The following DNAH9 variants were observed in gnomAD, a reference collection of about 807,000 sequenced individuals.
DNAH9 encodes dynein axonemal heavy chain 9, also known as DNAH9 variant protein.
A neutral mutation model predicts 471.6 loss-of-function variants in DNAH9; 345 were observed. That is an observed-to-expected ratio of 0.73 (90% CI 0.67 to 0.80). The LOEUF (loss-of-function observed/expected upper bound fraction) is 0.80. Ranked by LOEUF, DNAH9 falls within the 30% of genes least tolerant of loss-of-function variation. DNAH9 has a pLI of 0.00. For missense variants in DNAH9, 5,407 were observed against 5,609.2 expected, an observed-to-expected ratio of 0.96 and a Z score of 1.15; for synonymous variants, 2,093 against 2,123.6, an observed-to-expected ratio of 0.99 and a Z score of 0.40.
rs759701988 is a variant in DNAH9, at chr17:11,652,990, C to T, written c.2583C>T (p.His861=). Residue 861 remains histidine (H), a synonymous_variant, in exon 14 of 69, where the codon CAC becomes CAT. Transcript: ENST00000262442. ...TCAAGGAATCTGGCCTTAAGATCCA[C>T]GCCCTTGTTCAGGTAATAACCCAGC... ...NLIKESGLKI[H]ALVQENLGLF... is the part of the protein sequence containing the mutation. The T allele has an allele frequency of 1.1e-5, 17 of 1,613,672 alleles. No individual in the cohort carries two copies. The highest frequency in any genetic ancestry group is 2.7e-5 in the African/African-American group (2 of 74,920).
intron 10 of DNAH9, among the ~76,000 whole-genome samples, chr17:11,642,147 G>A (rs2073286403): frequency 6.6e-6 from 1 of 152,152 alleles, no homozygotes; most frequent in South Asian, 2.1e-4. Flanking sequence ...GTTTGGAGGT[G>A]TACCAGGGCC....
chr17:11,881,179 C>T (rs750931612), intron 54 of DNAH9, 30 bp from the exon 55 acceptor site: 3 of 1,611,506 alleles, frequency 1.9e-6, no homozygotes, highest in Admixed American at 1.7e-5. Context: ...AGGAAGGCAC[C>T]TTACCTTCAC....
intron 49 of DNAH9, among the ~76,000 whole-genome samples, chr17:11,851,199 C>T (rs1035537253): frequency 6.6e-6 from 1 of 152,132 alleles, no homozygotes; most frequent in Non-Finnish European, 1.5e-5. Context: ...CAACCTCCAC[C>T]TCCCAAGTTC....
At chr17:11,948,106 C>G (rs1467074160) in intron 67 of DNAH9, among the ~76,000 whole-genome samples, 1 of 151,524 alleles carries the variant, frequency 6.6e-6, no homozygotes, top group Non-Finnish European at 1.5e-5. Flanking sequence ...TGGCATCAGG[C>G]TTTTTTTCTA....
At chr17:11,656,504 T>C (rs1597442834) in intron 14 of DNAH9, among the ~76,000 whole-genome samples, 1 of 152,212 alleles carries the variant, frequency 6.6e-6, no homozygotes, top group South Asian at 2.1e-4. Context: ...TATGATATCA[T>C]GCGTAACGTT....
chr17:11,620,387 C>T (rs533162327), intron 6 of DNAH9, among the ~76,000 whole-genome samples: 66 of 151,780 alleles, frequency 4.3e-4, no homozygotes, highest in African/African-American at 1.6e-3. Flanking sequence ...GTGGCACACG[C>T]CTGTAATCCC....
In DNAH9 at chr17:11,791,660, G is replaced by A. The variant is rs188973459; in HGVS notation, c.8062-1843G>A. 5.4e-4 allele frequency among the ~76,000 whole-genome samples: 82 copies of A among 152,122 alleles called. 1 individual carries two copies. In the East Asian group the frequency reaches 9.3e-3, roughly 17 times the overall value. ...CGGGAGGTGGAGGCTGCCGCGAGCC[G>A]AGATTGCACCACTGCACTCCAGTCT... is the stretch of plus-strand genomic sequence containing the variant. On this transcript the variant is annotated intron_variant, in intron 41 of 68. Transcript: ENST00000262442.
intron 1 of DNAH9, among the ~76,000 whole-genome samples, chr17:11,607,875 A>G (rs1334187502): frequency 6.6e-6 from 1 of 152,124 alleles, no homozygotes; most frequent in Non-Finnish European, 1.5e-5. Flanking sequence ...TAGCCGATAA[A>G]GAATTTTTTG....
In DNAH9 at chr17:11,763,340, C is replaced by T. The variant is rs1002142274; in HGVS notation, c.6996-100C>T. The stretch of plus-strand genomic sequence containing the variant: ...TGTAATCCCAAAGAACTTGACGGAC[C>T]ATGAGTCCACTGAAACTGAGTGGTT... On this transcript the variant is annotated intron_variant, in intron 35 of 68. Coordinates refer to ENST00000262442, the MANE Select transcript of DNAH9 (RefSeq NM_001372.4). 18 of 1,024,842 alleles carry T rather than the reference C, an allele frequency of 1.8e-5. No homozygotes were observed. The African/African-American group carries it at 2.6e-4, about 15-fold the overall frequency. 63.5% of individuals were successfully genotyped at this position (1,024,842 alleles called of 1,614,324 possible). A position where few individuals can be genotyped will look rare whatever the true frequency, so the allele number is the denominator to read the frequency against.
At chr17:11,610,652 T>C (rs955130504) in intron 3 of DNAH9, 98 bp downstream of exon 3, 30 of 1,163,270 alleles carry the variant, frequency 2.6e-5, no homozygotes, top group Non-Finnish European at 3.5e-5. Context: ...GAGCCTATTC[T>C]TCCCTATAGG....
chr17:11,875,146 T>C lies in DNAH9; in HGVS notation c.10440T>C (p.Tyr3480=). 1.9e-6 allele frequency: 3 copies of C among 1,614,096 alleles called. No individual in the cohort carries two copies. Among genetic ancestry groups the C allele is most frequent in the South Asian group, 2.2e-5 (2 of 91,068 alleles). The change falls in exon 53 of 69, where the codon TAT becomes TAC. Residue 3480 remains tyrosine, a synonymous_variant. Transcript: ENST00000262442. Reference sequence around the variant, plus strand: ...GCATCAAATGGATCAAGAATAAATATGGTGAAGATCTCCGGGTCACGCAGA... The same window carrying C: ...GCATCAAATGGATCAAGAATAAATACGGTGAAGATCTCCGGGTCACGCAGA... ...LQGIKWIKNK[Y]GEDLRVTQIG... is the part of the protein sequence containing the mutation.
At chr17:11,760,949 G>T (rs1443035384) in intron 35 of DNAH9, among the ~76,000 whole-genome samples, 1 of 152,236 alleles carries the variant, frequency 6.6e-6, no homozygotes, top group African/African-American at 2.4e-5. Context: ...CAGTCACAGT[G>T]TTGTAATGCC....
At position 11,947,088 on chromosome 17, in the gene DNAH9, A is replaced by C. The variant is rs28639703; in HGVS notation, c.12843+4603A>C. On this transcript the variant is annotated intron_variant, in intron 67 of 68. Transcript: ENST00000262442. ...TCAAAGCACACAAAAGTGGTAAAGG[A>C]AGGCATCATCTGGGGGCCACAAATA... Among the ~76,000 whole-genome samples the C allele has an allele frequency of 2.1e-3, 323 of 152,338 alleles. 3 individuals carry two copies. The highest frequency in any genetic ancestry group is 7.2e-3 in the African/African-American group (298 of 41,566).
chr17:11,904,647 A>C (rs1973526456), intron 60 of DNAH9, among the ~76,000 whole-genome samples: 1 of 149,716 alleles, frequency 6.7e-6, no homozygotes, highest in Admixed American at 6.7e-5. Flanking sequence ...AAAAAAAAAA[A>C]AAAAAAAAAA....
chr17:11,631,736 C>T (rs188119626), intron 7 of DNAH9, among the ~76,000 whole-genome samples: 103 of 151,838 alleles, frequency 6.8e-4, no homozygotes, highest in Middle Eastern at 6.9e-3. Context: ...GGGATTTTGC[C>T]CAGAGAAAAA....
chr17:11,943,062 T>G (rs1209243363), intron 67 of DNAH9, among the ~76,000 whole-genome samples: 1 of 151,694 alleles, frequency 6.6e-6, no homozygotes, highest in Non-Finnish European at 1.5e-5. Context: ...CGCCGGCTAA[T>G]TTTTTGTATT....
rs1159079370 is a variant in DNAH9 at position 11,800,627 on chromosome 17, T to TCTTA, written c.8420+2835_8420+2838dup. Among the ~76,000 whole-genome samples, 3 of 152,232 alleles carry TCTTA rather than the reference T, an allele frequency of 2.0e-5. No homozygotes were observed. The East Asian group carries it at 5.8e-4, about 29-fold the overall frequency. The stretch of plus-strand genomic sequence containing the variant: ...CTTCTGATTTCCTTCTCTGCCCACT[T>TCTTA]CTTAGCCCTTGAACAAAGCAGTGCT... On this transcript the variant is annotated intron_variant, in intron 43 of 68. Transcript: ENST00000262442.
chr17:11,745,117 A>G (rs761879239), intron 31 of DNAH9, 33 bp downstream of exon 31: 11 of 1,570,412 alleles, frequency 7.0e-6, no homozygotes, highest in South Asian at 1.2e-5. Flanking sequence ...GGATTTCTCT[A>G]TCTCTTACTT....
chr17:11,823,594 C>G (rs954220572), intron 48 of DNAH9, among the ~76,000 whole-genome samples: 1 of 152,224 alleles, frequency 6.6e-6, no homozygotes, highest in Non-Finnish European at 1.5e-5. Flanking sequence ...TCATGCATCT[C>G]TAAGTAGTCA....
Sources: allele counts gnomAD v4.1 joint callset (sites outside exome capture counted in the v4.1 genomes callset), GRCh38; gene constraint gnomAD v4.1.1; transcripts MANE v1.5; gene names NCBI Gene and HGNC (gene_info 2026-07-23, HGNC 2026-07-21).